Variants in SMARCC2 observed in about 807,000 individuals in gnomAD.
SMARCC2 encodes SWI/SNF complex subunit SMARCC2.
SMARCC2 carries 15 observed loss-of-function variants against 151.3 expected under a neutral mutation model. That is an observed-to-expected ratio of 0.10 (90% CI 0.07 to 0.15). The LOEUF (loss-of-function observed/expected upper bound fraction) is 0.15, where lower values mean the gene tolerates loss of function less well. Among genes scored for constraint, SMARCC2 ranks in the 10% least tolerant of loss-of-function variants. The probability of loss-of-function intolerance (pLI) is 1.00; values close to 1 mark genes in which losing one functional copy is unlikely to be tolerated. For missense variants in SMARCC2, 1,031 were observed against 1,599.7 expected (o/e 0.64, Z 6.06); for synonymous variants, 590 against 609.5 (o/e 0.97, Z 0.47).
rs56809897 is a variant in SMARCC2 at position 56,167,951 on chromosome 12, A to AACACACACAC, written c.2850+99_2850+108dup. 751 of 689,522 alleles carry AACACACACAC rather than the reference A, an allele frequency of 1.1e-3. 7 individuals are homozygous for AACACACACAC. The highest frequency in any genetic ancestry group is 1.8e-3 in the East Asian group (49 of 27,312). 42.7% of individuals were successfully genotyped at this position (689,522 alleles called of 1,614,324 possible). A position where few individuals can be genotyped will look rare whatever the true frequency, so the allele number is the denominator to read the frequency against. On this transcript the variant is annotated intron_variant, in intron 26 of 28. Transcript: ENST00000550164. ...CTGTTGCTTATCTCTCTTTCACTGA[A>AACACACACAC]ACACACACACACACACACACACACA...
rs1872056247 is a variant in SMARCC2 at position 56,162,797 on chromosome 12, CAATTTCA to C, written c.*885_*891del. ...GGAGGTGCTTAAGTGCTTTAAAAAA[CAATTTCA>C]GGTTTTAAAACTTCACATCCTCTTA... On this transcript the variant is annotated 3_prime_UTR_variant, in exon 29 of 29. Transcript: ENST00000550164. 6.3e-6 allele frequency: 1 copy of C among 157,638 alleles called. No individual in the cohort carries two copies. Among genetic ancestry groups the C allele is most frequent in the Non-Finnish European group, 1.4e-5 (1 of 71,210 alleles). The allele number at this position is 157,638 out of a possible 1,614,324, so 9.8% of individuals were successfully genotyped here.
At position 56,175,623 on chromosome 12, in the gene SMARCC2, A is replaced by T. The variant is rs59053322; in HGVS notation, c.1383-859T>A. Among the ~76,000 whole-genome samples, 148 of 152,278 alleles carry T rather than the reference A, an allele frequency of 9.7e-4. 5 individuals are homozygous for T. In the East Asian group the frequency reaches 0.02, roughly 20 times the overall value. ...AAAAAAATGGCAGCTATCATGTGGT[A>T]CAGTGTAAAGTTTCAGATCATGGGC... On this transcript the variant is annotated intron_variant, in intron 15 of 28. Transcript: ENST00000550164.
At position 56,171,251 on chromosome 12, in the gene SMARCC2, G is replaced by A; in HGVS notation, c.2347+20C>T. 1 of 1,611,902 alleles carries A rather than the reference G, an allele frequency of 6.2e-7. No individual in the cohort carries two copies. The highest frequency in any genetic ancestry group is 8.5e-7 in the Non-Finnish European group (1 of 1,178,244). On this transcript the variant is annotated intron_variant, in intron 22 of 28. Transcript: ENST00000550164. The surrounding 1 kb of genome is among the most constrained non-coding windows in gnomAD (Gnocchi z 4.2). ...GGATCTTGTGAAAGGCAAGAAATCT[G>A]GGAACCTGCCTGGCCTTACCAATCC...
chr12:56,182,199 GTATTC>G lies in SMARCC2; in HGVS notation c.633-125_633-121del, dbSNP rs150649550. Reference sequence around the variant, plus strand: ...ATTGGGTTCTTGGCTTATTTTTTTTGTATTCTATTCATTATAAAGTAGTAAAAGCA... The same window carrying G: ...ATTGGGTTCTTGGCTTATTTTTTTTGTATTCATTATAAAGTAGTAAAAGCA... On this transcript the variant is annotated intron_variant, in intron 7 of 28. Transcript: ENST00000550164. 723 of 629,936 alleles carry G rather than the reference GTATTC, an allele frequency of 1.1e-3. 12 individuals are homozygous for G. The East Asian group carries it at 0.017, about 15-fold the overall frequency. The allele number at this position is 629,936 out of a possible 1,614,324, so 39.0% of individuals were successfully genotyped here.
At chr12:56,185,301 C>T (rs912867698) in intron 3 of SMARCC2, 190 bp from the exon 4 acceptor site, 31 of 555,112 alleles carry the variant, frequency 5.6e-5, no homozygotes, top group Non-Finnish European at 8.5e-5. Flanking sequence ...GTCTCAGCCT[C>T]CCCAGTAGCT....
chr12:56,178,984 G>T lies in SMARCC2; in HGVS notation c.1141+13C>A. 6.2e-7 allele frequency: 1 copy of T among 1,613,760 alleles called. No homozygotes were observed. Among genetic ancestry groups the T allele is most frequent in the Non-Finnish European group, 8.5e-7 (1 of 1,179,688 alleles). On this transcript the variant is annotated intron_variant, in intron 12 of 28. Coordinates refer to ENST00000550164, the MANE Select transcript of SMARCC2 (RefSeq NM_001330288.2). ...TGGCTCTGACTGCCGTGCCCAAGAG[G>T]CTCCTGTCTTACCCAGGTCGGTCAT...
intron 17 of SMARCC2, 66 bp downstream of exon 17, chr12:56,173,630 A>G: frequency 6.9e-7 from 1 of 1,451,778 alleles, no homozygotes. Flanking sequence ...TAAAAACCAG[A>G]AAAAGAAAAG....
intron 20 of SMARCC2, 82 bp downstream of exon 20, chr12:56,172,346 T>G: frequency 7.7e-7 from 1 of 1,291,178 alleles, no homozygotes; most frequent in Non-Finnish European, 1.1e-6. Flanking sequence ...CCTCCCAAAG[T>G]GCTGGGATTA....
chr12:56,182,106 A>G (rs763700379), intron 7 of SMARCC2, 27 bp from the exon 8 acceptor site: 2 of 1,520,240 alleles, frequency 1.3e-6, no homozygotes, highest in Non-Finnish European at 1.8e-6. Context: ...AGCACACAGT[A>G]GAATCAATGG....
chr12:56,169,480 T>C (rs775020123), intron 25 of SMARCC2, 49 bp downstream of exon 25: 6 of 1,592,756 alleles, frequency 3.8e-6, no homozygotes, highest in Non-Finnish European at 5.2e-6. Context: ...GAGATGAGAT[T>C]AGAGAAGTGG....
intron 25 of SMARCC2, among the ~76,000 whole-genome samples, chr12:56,168,959 A>C (rs1026169575): frequency 6.6e-6 from 1 of 151,904 alleles, no homozygotes; most frequent in Non-Finnish European, 1.5e-5. Flanking sequence ...CAGCCTGGGC[A>C]ACAGAGTGAG....
chr12:56,164,181 C>A (rs920023905), intron 28 of SMARCC2, 122 bp downstream of exon 28: 17 of 884,352 alleles, frequency 1.9e-5, no homozygotes, highest in African/African-American at 1.9e-4. Context: ...TCTAATTTTA[C>A]CAGAGTGTTC....
intron 28 of SMARCC2, 148 bp from the exon 29 acceptor site, chr12:56,163,913 C>T: frequency 1.8e-6 from 1 of 556,264 alleles, no homozygotes; most frequent in Non-Finnish European, 3.1e-6. Flanking sequence ...CTGTTCCCAA[C>T]ACTCTTTTCT....
chr12:56,164,255 A>G, intron 28 of SMARCC2, 48 bp downstream of exon 28: 1 of 1,566,464 alleles, frequency 6.4e-7, no homozygotes, highest in East Asian at 2.2e-5. Flanking sequence ...CCCTCCCTCC[A>G]GGTGGACCCC....
intron 27 of SMARCC2, 94 bp downstream of exon 27, chr12:56,165,224 C>T (rs886968959): frequency 7.2e-7 from 1 of 1,385,404 alleles, no homozygotes; most frequent in Non-Finnish European, 9.4e-7. Flanking sequence ...AGGCTAACCT[C>T]ATCTCCACAC....
Position 56,171,264 on chromosome 12 carries a change from G to A in SMARCC2, c.2347+7C>T. 6.2e-7 allele frequency: 1 copy of A among 1,614,022 alleles called. No homozygotes were observed. Among genetic ancestry groups the A allele is most frequent in the Non-Finnish European group, 8.5e-7 (1 of 1,179,912 alleles). On this transcript the variant is annotated splice_region_variant and intron_variant, in intron 22 of 28. Coordinates refer to ENST00000550164, the MANE Select transcript of SMARCC2 (RefSeq NM_001330288.2). The surrounding 1 kb of genome is among the most constrained non-coding windows in gnomAD (Gnocchi z 4.2). Reference sequence around the variant, plus strand: ...GGCAAGAAATCTGGGAACCTGCCTGGCCTTACCAATCCGCTCAGGCTCATC... The same window carrying A: ...GGCAAGAAATCTGGGAACCTGCCTGACCTTACCAATCCGCTCAGGCTCATC...
At position 56,172,700 on chromosome 12, in the gene SMARCC2, G is replaced by T. The variant is rs1874185444; in HGVS notation, c.1748C>A (p.Thr583Asn). 4 of 1,614,156 alleles carry T rather than the reference G, an allele frequency of 2.5e-6. No homozygotes were observed. The East Asian group carries it at 8.9e-5, about 36-fold the overall frequency. Residue 583 changes from threonine (T) to asparagine (N), a missense_variant, in exon 19 of 29, where the codon ACC becomes AAC. Around this residue, in one of 12 missense-constraint regions of SMARCC2, gnomAD observed 99 missense variants for 148.3 expected, o/e 0.67. Coordinates refer to ENST00000550164, the MANE Select transcript of SMARCC2 (RefSeq NM_001330288.2). ...ETAKGKPELQTSASQQMLNFP... is the reference protein window; with the variant it reads ...ETAKGKPELQNSASQQMLNFP... ...GTTGAGCATTTGTTGGGAAGCAGAG[G>T]TCTGCTATTTGTGGAGGGAAAGAAA...
chr12:56,184,261 G>A lies in SMARCC2; in HGVS notation c.493-17C>T. 1.3e-6 allele frequency: 2 copies of A among 1,598,898 alleles called. No individual in the cohort carries two copies. Among genetic ancestry groups the A allele is most frequent in the South Asian group, 1.1e-5 (1 of 89,946 alleles). Reference sequence around the variant, plus strand: ...GACTGTTCCCTGGATGGTAAAAGGAGAAGCGGGTAAATTATGGTCCCCTCT... The same window carrying A: ...GACTGTTCCCTGGATGGTAAAAGGAAAAGCGGGTAAATTATGGTCCCCTCT... On this transcript the variant is annotated splice_polypyrimidine_tract_variant and intron_variant, in intron 5 of 28. Transcript: ENST00000550164.
chr12:56,169,443 G>A, intron 25 of SMARCC2, 86 bp downstream of exon 25: 2 of 1,451,182 alleles, frequency 1.4e-6, no homozygotes, highest in African/African-American at 1.4e-5. Flanking sequence ...TATTTAAGGT[G>A]TGAGTGAGGA....
Sources: gnomAD v4.1 joint callset for allele counts (sites outside exome capture counted in the v4.1 genomes callset) on GRCh38, gnomAD v4.1.1 for gene constraint, gnomAD v4.1.1 regional missense constraint, Gnocchi (gnomAD v3.1) non-coding constraint, MANE v1.5 for transcripts, NCBI Gene and HGNC (gene_info 2026-07-23, HGNC 2026-07-21) for gene names.